Variants in MAML3 observed in about 807,000 individuals in gnomAD.
MAML3 encodes the protein mastermind-like protein 3.
A neutral mutation model predicts 101.9 loss-of-function variants in MAML3; 27 were observed. That is an observed-to-expected ratio of 0.27 (90% CI 0.20 to 0.37). The LOEUF is 0.37. Among genes scored for constraint, MAML3 ranks in the 10% least tolerant of loss-of-function variants. The probability of loss-of-function intolerance (pLI) is 1.00; values close to 1 mark genes in which losing one functional copy is unlikely to be tolerated. For synonymous variants in MAML3, 501 were observed against 555.9 expected (o/e 0.90, Z 1.39); for missense variants, 1,316 against 1,444.9 (o/e 0.91, Z 1.45).
In MAML3 at chr4:139,796,082, G is replaced by A. The variant is rs115405497; in HGVS notation, c.2080-65415C>T. Among the ~76,000 whole-genome samples, 1,154 of 152,314 alleles carry A rather than the reference G, an allele frequency of 7.6e-3. 16 individuals carry two copies. The highest frequency in any genetic ancestry group is 0.024 in the Middle Eastern group (7 of 292). On this transcript the variant is annotated intron_variant, in intron 2 of 4. Transcript: ENST00000509479. ...GTCAGGTTTCATCAGACATGGAAAT[G>A]TGGGAGCTTCATGTTTTTTCTTCTA...
rs116696760 is a variant in MAML3, at chr4:139,735,005, C to T, written c.2080-4338G>A. On this transcript the variant is annotated intron_variant, in intron 2 of 4. Transcript: ENST00000509479. This position sits in a 1 kb window ranked among gnomAD's most constrained non-coding sequence, Gnocchi z 5.8. ...GGTGGTGTCAGCCCGGCCTCGTGCC[C>T]GGCCGCCGCTGCGCCCGCGCCCCCT... Among the ~76,000 whole-genome samples the T allele has an allele frequency of 0.014, 2,065 of 152,320 alleles. 51 individuals are homozygous for T. Among genetic ancestry groups the T allele is most frequent in the African/African-American group, 0.047 (1,941 of 41,576 alleles).
At chr4:139,741,676 G>A (rs916437075) in intron 2 of MAML3, among the ~76,000 whole-genome samples, 9 of 152,312 alleles carry the variant, frequency 5.9e-5, no homozygotes, top group Admixed American at 1.3e-4. Context: ...GAGCCTGGGA[G>A]GTTGAGGCTG....
rs950229460 is a variant in MAML3, at chr4:139,861,984, G to A, written c.2079+27373C>T. ...AGCACTTTGGGAGGCTGAGGGGGGT[G>A]GACCACCTGAGGTCAGGAGTTCGAG... is the stretch of plus-strand genomic sequence containing the variant. On this transcript the variant is annotated intron_variant, in intron 2 of 4. Transcript: ENST00000509479. Among the ~76,000 whole-genome samples the A allele has an allele frequency of 3.3e-4, 50 of 152,174 alleles. 3 individuals are homozygous for A. The highest frequency in any genetic ancestry group is 3.2e-3 in the Admixed American group (49 of 15,264).
At chr4:140,012,386 G>A (rs926628997) in intron 1 of MAML3, among the ~76,000 whole-genome samples, 2 of 152,178 alleles carry the variant, frequency 1.3e-5, no homozygotes, top group Non-Finnish European at 2.9e-5. Flanking sequence ...TGTTGTCTCA[G>A]CATGCTCCCT....
chr4:139,914,536 T>C (rs1732993920), intron 1 of MAML3, among the ~76,000 whole-genome samples: 1 of 151,766 alleles, frequency 6.6e-6, no homozygotes. Flanking sequence ...CCTGTAAAGG[T>C]GGCAGGTCTC....
intron 1 of MAML3, among the ~76,000 whole-genome samples, chr4:140,132,106 G>A (rs1728804504): frequency 6.6e-6 from 1 of 152,218 alleles, no homozygotes; most frequent in South Asian, 2.1e-4. Flanking sequence ...CTCAGGCCCG[G>A]CCCACACTCT....
At chr4:140,009,041 A>G (rs1726504709) in intron 1 of MAML3, among the ~76,000 whole-genome samples, 2 of 152,234 alleles carry the variant, frequency 1.3e-5, no homozygotes, top group African/African-American at 4.8e-5. Flanking sequence ...TTAATGTTAC[A>G]GTTAATTTCC....
chr4:140,088,820 T>G (rs1727999185), intron 1 of MAML3, among the ~76,000 whole-genome samples: 1 of 152,206 alleles, frequency 6.6e-6, no homozygotes, highest in African/African-American at 2.4e-5. Flanking sequence ...TGTGTACTAT[T>G]TCACAATACC....
intron 1 of MAML3, among the ~76,000 whole-genome samples, chr4:140,036,427 G>A (rs548429498): frequency 5.9e-5 from 9 of 152,304 alleles, no homozygotes; most frequent in Non-Finnish European, 7.4e-5. Context: ...CAGCTACCGC[G>A]ATTAAAAACC....
chr4:139,935,942 AC>A (rs1471803077), intron 1 of MAML3, among the ~76,000 whole-genome samples: 6 of 152,184 alleles, frequency 3.9e-5, no homozygotes, highest in Non-Finnish European at 7.3e-5. Flanking sequence ...ATACAGTATT[AC>A]TGACTGTAGT....
intron 2 of MAML3, among the ~76,000 whole-genome samples, chr4:139,766,598 C>T (rs1338786700): frequency 1.3e-5 from 2 of 152,148 alleles, no homozygotes; most frequent in Admixed American, 6.5e-5. Flanking sequence ...CTATGGTAAC[C>T]GGCCACACCC....
intron 1 of MAML3, among the ~76,000 whole-genome samples, chr4:139,915,275 A>G (rs1482786006): frequency 6.6e-6 from 1 of 152,240 alleles, no homozygotes; most frequent in East Asian, 1.9e-4. Context: ...AACAGCTCAC[A>G]GGAAGAGAAA....
chr4:139,776,353 A>G (rs1179138971), intron 2 of MAML3, among the ~76,000 whole-genome samples: 1 of 152,192 alleles, frequency 6.6e-6, no homozygotes. Flanking sequence ...GTCGTGATAC[A>G]GTGCCCTGGA....
chr4:139,854,095 T>A (rs893418384), intron 2 of MAML3, among the ~76,000 whole-genome samples: 22 of 152,118 alleles, frequency 1.4e-4, no homozygotes, highest in African/African-American at 4.1e-4. Flanking sequence ...AGTGCTGGGA[T>A]TACAGGCATG....
intron 2 of MAML3, among the ~76,000 whole-genome samples, chr4:139,825,799 C>T (rs1344360435): frequency 6.6e-6 from 1 of 150,748 alleles, no homozygotes; most frequent in African/African-American, 2.4e-5. Context: ...TCTTTTATAC[C>T]TGCAAATGCT....
chr4:139,989,066 T>G (rs1734610613), intron 1 of MAML3, among the ~76,000 whole-genome samples: 2 of 152,168 alleles, frequency 1.3e-5, no homozygotes, highest in Non-Finnish European at 2.9e-5. Context: ...GTCGCCTCAG[T>G]TGGCAGAACT....
At chr4:139,842,509 CATTTTT>C (rs995796785) in intron 2 of MAML3, among the ~76,000 whole-genome samples, 4 of 122,126 alleles carry the variant, frequency 3.3e-5, no homozygotes, top group Non-Finnish European at 5.1e-5. Flanking sequence ...AGAAAGGAGG[CATTTTT>C]ATTTTTATTT....
At chr4:139,988,589 ATCACT>A (rs1349144267) in intron 1 of MAML3, among the ~76,000 whole-genome samples, 1 of 152,136 alleles carries the variant, frequency 6.6e-6, no homozygotes, top group Non-Finnish European at 1.5e-5. Context: ...CCATTTACAG[ATCACT>A]TCAGTTCTTT....
chr4:139,748,053 TAAA>T (rs34801574), intron 2 of MAML3, among the ~76,000 whole-genome samples: 7,203 of 95,556 alleles, frequency 0.075, 332 homozygotes, highest in Admixed American at 0.17. Context: ...AGACTTCGTC[TAAA>T]AAAAAAAAAA....
Sources: gnomAD v4.1 joint callset for allele counts (sites outside exome capture counted in the v4.1 genomes callset) on GRCh38, gnomAD v4.1.1 for gene constraint, Gnocchi (gnomAD v3.1) non-coding constraint, MANE v1.5 for transcripts, NCBI Gene and HGNC (gene_info 2026-07-23, HGNC 2026-07-21) for gene names.